The following TNFSF11 variants were observed in gnomAD, a reference collection of about 807,000 sequenced individuals.
The protein encoded by TNFSF11 is TNF superfamily member 11.
TNFSF11 carries 12 observed loss-of-function variants against 32.2 expected under a neutral mutation model. The ratio of observed to expected loss-of-function variants is 0.37; its 90% CI spans 0.24 to 0.60. TNFSF11 has a LOEUF of 0.60. TNFSF11 is among the 20% of genes least tolerant of loss of function. The probability of loss-of-function intolerance (pLI) is 0.66; values close to 1 mark genes in which losing one functional copy is unlikely to be tolerated. For synonymous variants in TNFSF11, 172 were observed against 152.1 expected, an observed-to-expected ratio of 1.13 and a Z score of -0.96; for missense variants, 345 against 398.0, an observed-to-expected ratio of 0.87 and a Z score of 1.13.
At position 42,600,776 on chromosome 13, in the gene TNFSF11, C is replaced by T. The variant is rs1195286260; in HGVS notation, c.412C>T (p.Gln138Ter). 1 of 1,614,098 alleles carries T rather than the reference C, an allele frequency of 6.2e-7. No individual in the cohort carries two copies. Among genetic ancestry groups the T allele is most frequent in the African/African-American group, 1.3e-5 (1 of 75,034 alleles). Residue 138 changes from glutamine to a stop codon, truncating the protein, a stop_gained, in exon 3 of 5, where the codon CAG becomes TAG. Coordinates refer to ENST00000398795, the MANE Select transcript of TNFSF11 (RefSeq NM_003701.4). LOFTEE classifies it high-confidence loss of function. ...QKELQHIVGS[Q>*]HIRAEKAMVD... ...GGAATTACAACATATCGTTGGATCACAGCACATCAGAGCAGAGAAAGGTAA... is the reference window on the plus strand; with the variant it reads ...GGAATTACAACATATCGTTGGATCATAGCACATCAGAGCAGAGAAAGGTAA...
chr13:42,591,936 T>C (rs1162641996), intron 2 of TNFSF11, among the ~76,000 whole-genome samples: 5 of 152,154 alleles, frequency 3.3e-5, no homozygotes, highest in African/African-American at 1.2e-4. Flanking sequence ...CAGGTGGAAC[T>C]AAGAGTAATT....
At chr13:42,603,315 T>A (rs953786389) in intron 4 of TNFSF11, among the ~76,000 whole-genome samples, 2 of 152,184 alleles carry the variant, frequency 1.3e-5, no homozygotes, top group Non-Finnish European at 2.9e-5. Context: ...AGAGACCTCT[T>A]CTGCGGTACT....
upstream of TNFSF11, among the ~76,000 whole-genome samples, chr13:42,570,219 A>C (rs1470474100): frequency 6.6e-6 from 1 of 152,176 alleles, no homozygotes. Flanking sequence ...TCATATCTGC[A>C]CTTTAATTTT....
chr13:42,594,048 A>G (rs1185375214), intron 2 of TNFSF11, among the ~76,000 whole-genome samples: 1 of 152,172 alleles, frequency 6.6e-6, no homozygotes, highest in Non-Finnish European at 1.5e-5. Context: ...GAATGTTCTC[A>G]GTTGGAGCTG....
At chr13:42,568,690 AAAG>A (rs928492195) in intron 2 of TNFSF11, among the ~76,000 whole-genome samples, 71 of 152,332 alleles carry the variant, frequency 4.7e-4, no homozygotes, top group Non-Finnish European at 8.2e-4. Context: ...ACAGACAGAA[AAAG>A]AAGAAGAGTG....
intron 2 of TNFSF11, among the ~76,000 whole-genome samples, chr13:42,591,103 G>A (rs549156101): frequency 2.0e-5 from 3 of 152,350 alleles, no homozygotes; most frequent in Admixed American, 2.0e-4. Flanking sequence ...GCATGGGATG[G>A]TGGCCGCTGA....
chr13:42,600,969 G>A lies in TNFSF11; in HGVS notation c.520G>A (p.Asp174Asn), dbSNP rs746313384. The change falls in exon 4 of 5, where the codon GAC becomes AAC. Residue 174 changes from aspartate (D) to asparagine (N), a missense_variant. Asp to Asn is a conservative substitution (Grantham distance 23). This residue lies in a region of TNFSF11 where 148 missense variants were observed against 216.0 expected (regional missense o/e 0.69). Transcript: ENST00000398795. ...PFAHLTINAT[D>N]IPSGSHKVSL... ...TGCTCATCTCACTATTAATGCCACC[G>A]ACATCCCATCTGGTAAGCTCTATCT... 1.6e-5 allele frequency: 26 copies of A among 1,614,028 alleles called. No individual in the cohort carries two copies. Among genetic ancestry groups the A allele is most frequent in the African/African-American group, 1.5e-4 (11 of 75,006 alleles).
At position 42,584,365 on chromosome 13, in the gene TNFSF11, T is replaced by C. The variant is rs116730288; in HGVS notation, c.387+3072T>C. Among the ~76,000 whole-genome samples, 463 of 152,348 alleles carry C rather than the reference T, an allele frequency of 3.0e-3. 5 individuals carry two copies. Among genetic ancestry groups the C allele is most frequent in the African/African-American group, 0.01 (424 of 41,574 alleles). ...TTTTTAAAAGTTATAGTAATTTCTC[T>C]TGTCCTAAGTAAAAATAAATCCCAG... On this transcript the variant is annotated intron_variant, in intron 2 of 4. Coordinates refer to ENST00000398795, the MANE Select transcript of TNFSF11 (RefSeq NM_003701.4).
intron 1 of TNFSF11, among the ~76,000 whole-genome samples, chr13:42,579,408 C>T (rs927331815): frequency 8.3e-6 from 1 of 121,132 alleles, no homozygotes; most frequent in Non-Finnish European, 1.7e-5. Flanking sequence ...AAGCAAGACC[C>T]TGTCTTCAAA....
intron 2 of TNFSF11, among the ~76,000 whole-genome samples, chr13:42,599,346 T>TATC (rs1162157934): frequency 1.1e-3 from 102 of 93,824 alleles, no homozygotes; most frequent in African/African-American, 3.8e-3. Flanking sequence ...TCTATCTATC[T>TATC]ATCATCTATC....
chr13:42,567,254 TA>T, intron 2 of TNFSF11, among the ~76,000 whole-genome samples: 1 of 152,322 alleles, frequency 6.6e-6, no homozygotes, highest in South Asian at 2.1e-4. Context: ...AAAGTTTATT[TA>T]AAAGCTCTAA....
intron 2 of TNFSF11, among the ~76,000 whole-genome samples, chr13:42,589,027 A>T (rs951238383): frequency 1.3e-5 from 2 of 152,206 alleles, no homozygotes; most frequent in Non-Finnish European, 2.9e-5. Flanking sequence ...CTTCAAGAAC[A>T]CTAGGTAGCG....
chr13:42,575,200 T>G (rs898728347), intron 1 of TNFSF11, among the ~76,000 whole-genome samples: 3 of 152,084 alleles, frequency 2.0e-5, no homozygotes, highest in African/African-American at 7.2e-5. Flanking sequence ...GCTAGGGATG[T>G]GGGCGGAGGA....
In TNFSF11 at chr13:42,583,413, C is replaced by G. The variant is rs1873715373; in HGVS notation, c.387+2120C>G. 3.5e-4 allele frequency among the ~76,000 whole-genome samples: 2 copies of G among 5,794 alleles called. 1 individual carries two copies. The highest frequency in any genetic ancestry group is 0.027 in the South Asian group (2 of 74). 3.8% of individuals were successfully genotyped at this position (5,794 alleles called of 152,430 possible). A position where few individuals can be genotyped will look rare whatever the true frequency, so the allele number is the denominator to read the frequency against. ...GCAGCCTGGGTGACATAGCAAGACCCTGCTAAAAAAAAAAAAAAAAAAAAA... is the reference window on the plus strand; with the variant it reads ...GCAGCCTGGGTGACATAGCAAGACCGTGCTAAAAAAAAAAAAAAAAAAAAA... On this transcript the variant is annotated intron_variant, in intron 2 of 4. Transcript: ENST00000398795.
At chr13:42,580,568 A>G (rs1776435981) in intron 1 of TNFSF11, among the ~76,000 whole-genome samples, 1 of 152,170 alleles carries the variant, frequency 6.6e-6, no homozygotes, top group African/African-American at 2.4e-5. Context: ...TCTGACTTCA[A>G]GTTTTGTTTG....
In TNFSF11 at chr13:42,598,520, G is replaced by C. The variant is rs79463431; in HGVS notation, c.388-2232G>C. 3.3e-5 allele frequency among the ~76,000 whole-genome samples: 5 copies of C among 152,256 alleles called. No individual in the cohort carries two copies. In the East Asian group the frequency reaches 9.6e-4, roughly 29 times the overall value. ...CCATCCACCTGCCTGACAAGAACTG[G>C]GAAATAAGAAACTGCTATCAAGGCA... On this transcript the variant is annotated intron_variant, in intron 2 of 4. Transcript: ENST00000398795.
chr13:42,584,829 G>C (rs1338501934), intron 2 of TNFSF11, among the ~76,000 whole-genome samples: 2 of 152,144 alleles, frequency 1.3e-5, no homozygotes. Flanking sequence ...TTTGTTATAG[G>C]ATCTTAGCCT....
In TNFSF11 at chr13:42,581,698, G is replaced by T. The variant is rs545294838; in HGVS notation, c.387+405G>T. On this transcript the variant is annotated intron_variant, in intron 2 of 4. Coordinates refer to ENST00000398795, the MANE Select transcript of TNFSF11 (RefSeq NM_003701.4). The stretch of plus-strand genomic sequence containing the variant: ...TTTCTGTTTGGCTTCGTAATGGCAG[G>T]GCCCCTTATTCCACATCTGTTGATC... Among the ~76,000 whole-genome samples, 6 of 152,166 alleles carry T rather than the reference G, an allele frequency of 3.9e-5. No individual in the cohort carries two copies. In the South Asian group the frequency reaches 1.3e-3, roughly 32 times the overall value.
chr13:42,565,997 G>A (rs1026885048), intron 1 of TNFSF11, among the ~76,000 whole-genome samples: 2 of 152,300 alleles, frequency 1.3e-5, no homozygotes, highest in Non-Finnish European at 2.9e-5. Flanking sequence ...GAGTATGTGG[G>A]GATGGGAAGT....
Sources: allele counts gnomAD v4.1 joint callset (sites outside exome capture counted in the v4.1 genomes callset), GRCh38; gene constraint gnomAD v4.1.1; regional missense constraint gnomAD v4.1.1; transcripts MANE v1.5; gene names NCBI Gene and HGNC (gene_info 2026-07-23, HGNC 2026-07-21).